The following ERP44 variants were observed in gnomAD, a reference collection of about 807,000 sequenced individuals.
The protein encoded by ERP44 is endoplasmic reticulum resident protein 44.
Under a neutral mutation model 53.4 loss-of-function variants are expected in ERP44, and 25 were observed. That is an observed-to-expected ratio of 0.47 (90% confidence interval 0.34 to 0.65). The LOEUF is 0.65. Among genes scored for constraint, ERP44 ranks in the 30% least tolerant of loss-of-function variants. The pLI is 0.01. For synonymous variants in ERP44, 145 were observed against 161.2 expected, an observed-to-expected ratio of 0.90 and a Z score of 0.76; for missense variants, 338 against 493.2, an observed-to-expected ratio of 0.69 and a Z score of 2.98.
At chr9:100,062,763 T>C (rs558425288) in intron 1 of ERP44, among the ~76,000 whole-genome samples, 103 of 152,270 alleles carry the variant, frequency 6.8e-4, no homozygotes, top group Non-Finnish European at 1.2e-3. Flanking sequence ...AATATATGTT[T>C]AAAATCTAAA....
chr9:100,030,671 A>G (rs1038234033), intron 4 of ERP44, among the ~76,000 whole-genome samples: 2 of 152,176 alleles, frequency 1.3e-5, no homozygotes, highest in Admixed American at 1.3e-4. Context: ...CTTCGCTGAC[A>G]GCTGTGGGTG....
intron 4 of ERP44, among the ~76,000 whole-genome samples, chr9:100,028,828 C>CA (rs1329192805): frequency 6.6e-6 from 1 of 152,008 alleles, no homozygotes; most frequent in Admixed American, 6.6e-5. Context: ...AAAACAAAAA[C>CA]AAAAAACTCG....
At chr9:100,094,067 G>A (rs952486182) in intron 1 of ERP44, among the ~76,000 whole-genome samples, 3 of 152,126 alleles carry the variant, frequency 2.0e-5, no homozygotes, top group Non-Finnish European at 2.9e-5. Flanking sequence ...TCAAAATTAC[G>A]TAAGCACAAG....
At chr9:99,998,376 C>T in intron 10 of ERP44, 2 of 605,922 alleles carry the variant, frequency 3.3e-6, no homozygotes, top group Non-Finnish European at 6.0e-6. Flanking sequence ...TTCCGCCACA[C>T]GCGAGCTCCC....
chr9:100,055,224 G>A (rs1445713874), intron 3 of ERP44, among the ~76,000 whole-genome samples: 1 of 152,030 alleles, frequency 6.6e-6, no homozygotes, highest in Non-Finnish European at 1.5e-5. Context: ...AATATAGTTA[G>A]AATGAATAAG....
At chr9:100,072,261 A>G (rs1164743164) in intron 1 of ERP44, among the ~76,000 whole-genome samples, 1 of 152,180 alleles carries the variant, frequency 6.6e-6, no homozygotes, top group Non-Finnish European at 1.5e-5. Flanking sequence ...AAAGCTAATC[A>G]GAGAATGACC....
intron 1 of ERP44, among the ~76,000 whole-genome samples, chr9:100,063,377 C>G (rs186437530): frequency 4.3e-4 from 65 of 152,192 alleles, no homozygotes; most frequent in African/African-American, 1.4e-3. Context: ...TTATCATTAA[C>G]ATTTCTATTA....
chr9:99,980,545 A>G lies in ERP44; in HGVS notation c.*2067T>C, dbSNP rs1830138174. 1 of 152,452 alleles carries G rather than the reference A, an allele frequency of 6.6e-6. No homozygotes were observed. Among genetic ancestry groups the G allele is most frequent in the Non-Finnish European group, 1.5e-5 (1 of 68,210 alleles). 9.4% of individuals were successfully genotyped at this position (152,452 alleles called of 1,614,324 possible). A position where few individuals can be genotyped will look rare whatever the true frequency, so the allele number is the denominator to read the frequency against. On this transcript the variant is annotated 3_prime_UTR_variant, in exon 12 of 12. Coordinates refer to ENST00000262455, the MANE Select transcript of ERP44 (RefSeq NM_015051.3). ...AAGCACTTGAGCTTAGTGACTTTTTATAAAATTAGGCACCAAGTCCTAATG... is the reference window on the plus strand; with the variant it reads ...AAGCACTTGAGCTTAGTGACTTTTTGTAAAATTAGGCACCAAGTCCTAATG...
At chr9:100,060,314 C>A in intron 1 of ERP44, 142 bp from the exon 2 acceptor site, 2 of 971,544 alleles carry the variant, frequency 2.1e-6, no homozygotes, top group Non-Finnish European at 2.7e-6. Context: ...ATTATCTAGT[C>A]TAATCTTTTA....
intron 4 of ERP44, among the ~76,000 whole-genome samples, chr9:100,049,599 T>C (rs540331396): frequency 5.3e-5 from 8 of 152,144 alleles, no homozygotes; most frequent in Non-Finnish European, 1.2e-4. Flanking sequence ...TAAAATTAAA[T>C]AGACTATCCA....
intron 1 of ERP44, among the ~76,000 whole-genome samples, chr9:100,081,452 A>G (rs937424247): frequency 4.6e-5 from 7 of 152,184 alleles, no homozygotes; most frequent in African/African-American, 1.7e-4. Context: ...TATGGGAGAT[A>G]CAAGTAGAAA....
intron 6 of ERP44, among the ~76,000 whole-genome samples, chr9:100,020,181 T>C (rs1454939429): frequency 2.0e-5 from 3 of 152,082 alleles, no homozygotes; most frequent in East Asian, 3.9e-4. Context: ...TTAGAAAGAA[T>C]TGTTCCCCTG....
At chr9:100,064,149 C>T (rs1312485107) in intron 1 of ERP44, among the ~76,000 whole-genome samples, 1 of 152,192 alleles carries the variant, frequency 6.6e-6, no homozygotes, top group Non-Finnish European at 1.5e-5. Context: ...CAAATTAATT[C>T]TATCCTTAAA....
intron 1 of ERP44, among the ~76,000 whole-genome samples, chr9:100,068,614 G>A (rs1241156612): frequency 1.2e-4 from 18 of 146,540 alleles, no homozygotes; most frequent in Admixed American, 1.1e-3. Flanking sequence ...CCGGGAGGGA[G>A]GTGGGGGGGT....
rs189241300 is a variant in ERP44, at chr9:99,980,243, G to C, written c.*2369C>G. The stretch of plus-strand genomic sequence containing the variant: ...TTTACATATCCATATGCCTGACTAG[G>C]CTGTGAACAACTCTAGGGCAGAAAT... On this transcript the variant is annotated 3_prime_UTR_variant, in exon 12 of 12. Coordinates refer to ENST00000262455, the MANE Select transcript of ERP44 (RefSeq NM_015051.3). 2.5e-6 allele frequency: 1 copy of C among 394,144 alleles called. No homozygotes were observed. The highest frequency in any genetic ancestry group is 4.5e-6 in the Non-Finnish European group (1 of 223,768). The allele number at this position is 394,144 out of a possible 1,614,324, so 24.4% of individuals were successfully genotyped here.
rs569110158 is a variant in ERP44 at position 100,051,429 on chromosome 9, T to C, written c.286+988A>G. On this transcript the variant is annotated intron_variant, in intron 4 of 11. Coordinates refer to ENST00000262455, the MANE Select transcript of ERP44 (RefSeq NM_015051.3). The stretch of plus-strand genomic sequence containing the variant: ...AATCAGTAGGTTAAGTATAAAAAAA[T>C]AGAAAACTTGAAGAATGGGAGACAG... Among the ~76,000 whole-genome samples, 189 of 152,148 alleles carry C rather than the reference T, an allele frequency of 1.2e-3. 2 individuals are homozygous for C. The highest frequency in any genetic ancestry group is 1.8e-3 in the Non-Finnish European group (121 of 67,990).
At chr9:100,061,623 T>G (rs1025508673) in intron 1 of ERP44, among the ~76,000 whole-genome samples, 4 of 147,766 alleles carry the variant, frequency 2.7e-5, no homozygotes, top group East Asian at 3.9e-4. Flanking sequence ...GAAATATATA[T>G]AAATATATAT....
chr9:99,985,092 T>G (rs1346298267), intron 10 of ERP44, 23 bp from the exon 11 acceptor site: 15 of 1,478,104 alleles, frequency 1.0e-5, no homozygotes, highest in Non-Finnish European at 1.4e-5. Context: ...TCAAATAAAA[T>G]GTAAACTGTT....
chr9:100,079,011 G>C (rs1647806227), intron 1 of ERP44, among the ~76,000 whole-genome samples: 1 of 152,078 alleles, frequency 6.6e-6, no homozygotes, highest in African/African-American at 2.4e-5. Flanking sequence ...GTTGATAAGG[G>C]GTGGACTTGT....
Sources: gnomAD v4.1 joint callset for allele counts (sites outside exome capture counted in the v4.1 genomes callset) on GRCh38, gnomAD v4.1.1 for gene constraint, MANE v1.5 for transcripts, NCBI Gene and HGNC (gene_info 2026-07-23, HGNC 2026-07-21) for gene names.